The following SNX29 variants were observed in gnomAD, a reference collection of about 807,000 sequenced individuals.
SNX29 encodes the protein sorting nexin 29, also known as sorting nexin-29.
Under a neutral mutation model 102.1 loss-of-function variants are expected in SNX29, and 78 were observed. The ratio of observed to expected loss-of-function variants is 0.76; its 90% CI spans 0.64 to 0.92. The LOEUF (loss-of-function observed/expected upper bound fraction) is 0.92, where lower values mean the gene tolerates loss of function less well. Ranked by LOEUF, SNX29 falls within the 40% of genes least tolerant of loss-of-function variation. SNX29 has a pLI of 0.00. For synonymous variants in SNX29, 580 were observed against 414.5 expected (o/e 1.40, Z -4.85); for missense variants, 1,280 against 1,061.7 (o/e 1.21, Z -2.86).
intron 20 of SNX29, among the ~76,000 whole-genome samples, chr16:12,555,835 C>G (rs1481202173): frequency 3.3e-5 from 5 of 152,170 alleles, no homozygotes; most frequent in Non-Finnish European, 7.4e-5. Context: ...AGCTGACTGA[C>G]CAACCCCCCT....
intron 11 of SNX29, among the ~76,000 whole-genome samples, chr16:12,124,246 C>T (rs1035998878): frequency 6.6e-6 from 1 of 151,594 alleles, no homozygotes. Context: ...ATCTCAGGTA[C>T]GTGGGAGACT....
chr16:12,080,840 C>G (rs1251983371), intron 11 of SNX29, among the ~76,000 whole-genome samples: 1 of 151,832 alleles, frequency 6.6e-6, no homozygotes, highest in Non-Finnish European at 1.5e-5. Context: ...TACAGGCCCA[C>G]GCCCGGCTAA....
chr16:12,477,709 T>G lies in SNX29; in HGVS notation c.2038-10T>G. The G allele has an allele frequency of 6.2e-7, 1 of 1,607,476 alleles. No homozygotes were observed. The highest frequency in any genetic ancestry group is 1.1e-5 in the South Asian group (1 of 89,750). Reference sequence around the variant, plus strand: ...TTTAAGAGGAATTCACATTTTCTCTTTCTTGACAGGTCTACATCCGGATAA... The same window carrying G: ...TTTAAGAGGAATTCACATTTTCTCTGTCTTGACAGGTCTACATCCGGATAA... On this transcript the variant is annotated splice_polypyrimidine_tract_variant and intron_variant, in intron 18 of 20. Coordinates refer to ENST00000566228, the MANE Select transcript of SNX29 (RefSeq NM_032167.5).
At position 12,553,520 on chromosome 16, in the gene SNX29, T is replaced by G. The variant is rs542275511; in HGVS notation, c.2319-14986T>G. On this transcript the variant is annotated intron_variant, in intron 20 of 20. Transcript: ENST00000566228. ...AGGTGCACACTTGCCATCACAGTGC[T>G]GGAGGAGGGACCCCACAGAGCACTG... Among the ~76,000 whole-genome samples the G allele has an allele frequency of 1.1e-3, 170 of 152,256 alleles. 1 individual carries two copies. Among genetic ancestry groups the G allele is most frequent in the African/African-American group, 3.6e-3 (150 of 41,570 alleles).
At chr16:12,090,937 C>T (rs1269841993) in intron 11 of SNX29, among the ~76,000 whole-genome samples, 1 of 143,552 alleles carries the variant, frequency 7.0e-6, no homozygotes, top group East Asian at 2.2e-4. Flanking sequence ...ATCACTTGAA[C>T]CCAGGAAGTG....
chr16:12,478,908 A>T (rs549929618), intron 19 of SNX29, among the ~76,000 whole-genome samples: 8 of 152,276 alleles, frequency 5.3e-5, no homozygotes, highest in African/African-American at 1.9e-4. Flanking sequence ...CAAGAAGGAG[A>T]CAGGGGCACT....
chr16:12,526,997 A>C (rs1238952428), intron 20 of SNX29: 1 of 400,950 alleles, frequency 2.5e-6, no homozygotes, highest in East Asian at 4.2e-5. Context: ...ACTTTTCAAA[A>C]CGAGAATTTC....
chr16:12,428,793 G>A (rs1158926645), intron 18 of SNX29, among the ~76,000 whole-genome samples: 1 of 151,518 alleles, frequency 6.6e-6, no homozygotes, highest in Non-Finnish European at 1.5e-5. Flanking sequence ...AGATACGATG[G>A]CAATTATTAT....
chr16:12,103,446 AT>A (rs2053102353), intron 11 of SNX29, among the ~76,000 whole-genome samples: 1 of 152,242 alleles, frequency 6.6e-6, no homozygotes. Context: ...TGGGGAAAGG[AT>A]TCCCTATTTA....
At chr16:12,006,825 C>A (rs1031551441) in intron 3 of SNX29, among the ~76,000 whole-genome samples, 1 of 152,030 alleles carries the variant, frequency 6.6e-6, no homozygotes, top group Non-Finnish European at 1.5e-5. Context: ...CACTATGTTG[C>A]CCAGGCTGGT....
At chr16:12,294,207 C>T (rs1290263715) in intron 15 of SNX29, among the ~76,000 whole-genome samples, 1 of 152,250 alleles carries the variant, frequency 6.6e-6, no homozygotes, top group Non-Finnish European at 1.5e-5. Context: ...TGGGAATCAT[C>T]ATTTCCAATG....
Position 12,078,850 on chromosome 16 carries a change from C to T in SNX29, c.1337C>T (p.Pro446Leu), listed in dbSNP as rs747716572. 23 of 1,604,352 alleles carry T rather than the reference C, an allele frequency of 1.4e-5. No homozygotes were observed. In the Admixed American group the frequency reaches 3.9e-4, roughly 27 times the overall value. Residue 446 changes from proline (P) to leucine (L), a missense_variant, in exon 11 of 21, where the codon CCA becomes CTA. Pro to Leu is a moderately conservative substitution (Grantham distance 98, BLOSUM62 -3). Coordinates refer to ENST00000566228, the MANE Select transcript of SNX29 (RefSeq NM_032167.5). ...TTTCCTAGTGTGGAAGCCAGCTCTCCAGGCCACGGAAGTCCTCTGAGCAGC... is the reference window on the plus strand; with the variant it reads ...TTTCCTAGTGTGGAAGCCAGCTCTCTAGGCCACGGAAGTCCTCTGAGCAGC... ...GLRYSVEASS[P>L]GHGSPLSSLL...
At chr16:12,114,702 T>G (rs2053625942) in intron 11 of SNX29, among the ~76,000 whole-genome samples, 1 of 152,104 alleles carries the variant, frequency 6.6e-6, no homozygotes, top group Non-Finnish European at 1.5e-5. Context: ...TTCTCCTGCC[T>G]CAGCCTCCCG....
chr16:12,347,293 T>G (rs1241082645), intron 15 of SNX29, among the ~76,000 whole-genome samples: 1 of 152,072 alleles, frequency 6.6e-6, no homozygotes, highest in African/African-American at 2.4e-5. Context: ...GGCTTTATGG[T>G]GCGGCATTGA....
At chr16:12,552,928 T>C (rs1008567296) in intron 20 of SNX29, among the ~76,000 whole-genome samples, 2 of 152,246 alleles carry the variant, frequency 1.3e-5, no homozygotes, top group African/African-American at 2.4e-5. Flanking sequence ...TGATTGCTCC[T>C]GGCCTTATAT....
intron 13 of SNX29, among the ~76,000 whole-genome samples, chr16:12,138,868 G>C (rs953975665): frequency 2.6e-5 from 4 of 152,012 alleles, no homozygotes; most frequent in African/African-American, 9.7e-5. Context: ...TTGTTCAAGA[G>C]AGTTTGAGTG....
chr16:12,141,173 G>A (rs956762900), intron 13 of SNX29, among the ~76,000 whole-genome samples: 9 of 152,186 alleles, frequency 5.9e-5, no homozygotes, highest in Middle Eastern at 3.2e-3. Flanking sequence ...AGTAAACCTG[G>A]CATAGTCAGT....
chr16:12,565,447 C>CT (rs1037743099), intron 20 of SNX29, among the ~76,000 whole-genome samples: 2 of 152,194 alleles, frequency 1.3e-5, no homozygotes, highest in African/African-American at 2.4e-5. Context: ...CACCTGCCCC[C>CT]TCCTCATCCT....
chr16:12,172,685 CATG>C (rs1221986557), intron 13 of SNX29, among the ~76,000 whole-genome samples: 1 of 152,162 alleles, frequency 6.6e-6, no homozygotes, highest in Non-Finnish European at 1.5e-5. Flanking sequence ...TTGTCATTAA[CATG>C]ATATTATGAT....
Sources: allele counts gnomAD v4.1 joint callset (sites outside exome capture counted in the v4.1 genomes callset), GRCh38; gene constraint gnomAD v4.1.1; transcripts MANE v1.5; gene names NCBI Gene and HGNC (gene_info 2026-07-23, HGNC 2026-07-21).